Variants in DAB1 observed in about 807,000 individuals in gnomAD.
DAB1 encodes DAB adaptor protein 1.
A neutral mutation model predicts 64.6 loss-of-function variants in DAB1; 15 were observed. That is an observed-to-expected ratio of 0.23 (90% CI 0.16 to 0.36). The LOEUF (loss-of-function observed/expected upper bound fraction) is 0.36, where lower values mean the gene tolerates loss of function less well. Among genes scored for constraint, DAB1 ranks in the 10% least tolerant of loss-of-function variants. The pLI, the probability that DAB1 is intolerant of heterozygous loss-of-function variation, is 1.00. For missense variants in DAB1, 596 were observed against 706.7 expected (o/e 0.84, Z 1.78); for synonymous variants, 235 against 251.9 (o/e 0.93, Z 0.64).
rs1265395267 is a variant in DAB1, at chr1:58,275,506, C to G, written n.309+67846G>C. Reference sequence around the variant, plus strand: ...AAAAAAACAAATAAATTGGCAAAAACTTGAATAGTTATTTCTCCAAAGAAT... The same window carrying G: ...AAAAAAACAAATAAATTGGCAAAAAGTTGAATAGTTATTTCTCCAAAGAAT... On this transcript the variant is annotated intron_variant and non_coding_transcript_variant, in intron 4 of 20. Transcript: ENST00000485760. Among the ~76,000 whole-genome samples the G allele has an allele frequency of 2.0e-5, 3 of 152,078 alleles. No individual in the cohort carries two copies. In the South Asian group the frequency reaches 6.2e-4, roughly 32 times the overall value.
intron 7 of DAB1, among the ~76,000 whole-genome samples, chr1:57,605,005 T>C (rs1645619704): frequency 6.6e-6 from 1 of 152,330 alleles, no homozygotes; most frequent in East Asian, 1.9e-4. Context: ...TAATCCTTAA[T>C]AATAAGAATT....
At chr1:57,869,737 T>C (rs1643906968) in intron 1 of DAB1, among the ~76,000 whole-genome samples, 1 of 152,132 alleles carries the variant, frequency 6.6e-6, no homozygotes, top group Non-Finnish European at 1.5e-5. Context: ...GGAAAGCTAA[T>C]TAGAGCTAAT....
chr1:57,209,487 A>G (rs985365480), intron 2 of DAB1, among the ~76,000 whole-genome samples: 3 of 152,198 alleles, frequency 2.0e-5, no homozygotes, highest in Non-Finnish European at 4.4e-5. Flanking sequence ...GCTGCTGTCA[A>G]TAATGCCCTT....
At chr1:57,363,460 T>A (rs1003982388) in intron 1 of DAB1, among the ~76,000 whole-genome samples, 9 of 151,868 alleles carry the variant, frequency 5.9e-5, no homozygotes, top group African/African-American at 1.7e-4. Context: ...CAAATCCCAT[T>A]AAATGGGGAG....
At chr1:58,221,446 C>G (rs1659166240) in intron 4 of DAB1, among the ~76,000 whole-genome samples, 1 of 152,220 alleles carries the variant, frequency 6.6e-6, no homozygotes, top group Non-Finnish European at 1.5e-5. Flanking sequence ...TCTGAAAGAA[C>G]AGTCACTGGC....
chr1:57,838,445 T>A (rs1652907857), intron 1 of DAB1, among the ~76,000 whole-genome samples: 1 of 152,064 alleles, frequency 6.6e-6, no homozygotes, highest in Admixed American at 6.6e-5. Context: ...GAATATATAT[T>A]ATGTATAAGA....
At chr1:58,001,496 G>A (rs1057038657) in intron 5 of DAB1, among the ~76,000 whole-genome samples, 1 of 152,104 alleles carries the variant, frequency 6.6e-6, no homozygotes, top group Non-Finnish European at 1.5e-5. Flanking sequence ...CTGACCTTAG[G>A]TGATCTGCCT....
intron 1 of DAB1, among the ~76,000 whole-genome samples, chr1:58,536,013 C>A (rs989170482): frequency 7.9e-5 from 12 of 152,058 alleles, no homozygotes; most frequent in African/African-American, 2.7e-4. Context: ...GATCCCTGCC[C>A]CCATGAAGCT....
chr1:57,804,520 G>A (rs919894343), intron 6 of DAB1, among the ~76,000 whole-genome samples: 3 of 152,146 alleles, frequency 2.0e-5, no homozygotes, highest in African/African-American at 4.8e-5. Context: ...TTGCAGATAC[G>A]TGATTTCCCT....
intron 6 of DAB1, among the ~76,000 whole-genome samples, chr1:57,664,149 G>GT (rs2101674153): frequency 6.6e-6 from 1 of 152,222 alleles, no homozygotes; most frequent in African/African-American, 2.4e-5. Context: ...GTTGGCAAGG[G>GT]TTTGGTACAT....
At chr1:57,217,984 T>C (rs1666553635) in intron 2 of DAB1, among the ~76,000 whole-genome samples, 1 of 152,070 alleles carries the variant, frequency 6.6e-6, no homozygotes. Context: ...ACACAAACAG[T>C]AATCAGTGGC....
At chr1:58,436,578 G>A (rs1028073118) in intron 3 of DAB1, among the ~76,000 whole-genome samples, 2 of 152,142 alleles carry the variant, frequency 1.3e-5, no homozygotes, top group Non-Finnish European at 2.9e-5. Context: ...CTTGGCAAAT[G>A]AATCACACTA....
At chr1:58,141,484 A>G (rs1225469636) in intron 5 of DAB1, among the ~76,000 whole-genome samples, 1 of 152,094 alleles carries the variant, frequency 6.6e-6, no homozygotes, top group East Asian at 1.9e-4. Flanking sequence ...TTAAGATGAG[A>G]TTTGCGTAGG....
chr1:57,563,797 C>T (rs1414791167), intron 7 of DAB1, among the ~76,000 whole-genome samples: 4 of 152,156 alleles, frequency 2.6e-5, no homozygotes, highest in Non-Finnish European at 5.9e-5. Context: ...CCTGGAAGCT[C>T]GAACTAGGTG....
chr1:57,996,145 G>T (rs2100389865), intron 5 of DAB1, among the ~76,000 whole-genome samples: 1 of 152,180 alleles, frequency 6.6e-6, no homozygotes, highest in Middle Eastern at 3.4e-3. Flanking sequence ...TGTAATCTCA[G>T]CTCCTCAGGA....
intron 5 of DAB1, among the ~76,000 whole-genome samples, chr1:58,067,278 C>A (rs1460615390): frequency 1.3e-5 from 2 of 152,194 alleles, no homozygotes; most frequent in African/African-American, 4.8e-5. Flanking sequence ...CACGGCCTAG[C>A]CCAGTGCCTG....
intron 2 of DAB1, among the ~76,000 whole-genome samples, chr1:57,240,802 T>G (rs1243257684): frequency 1.3e-5 from 2 of 152,196 alleles, no homozygotes; most frequent in African/African-American, 4.8e-5. Flanking sequence ...TATTGCAGAT[T>G]CAACTGATGT....
At chr1:57,249,660 C>A (rs1322273913) in intron 2 of DAB1, among the ~76,000 whole-genome samples, 1 of 152,214 alleles carries the variant, frequency 6.6e-6, no homozygotes, top group Non-Finnish European at 1.5e-5. Flanking sequence ...GCATGAGCCA[C>A]CACACCCAGC....
chr1:58,268,231 T>C (rs185197910), intron 4 of DAB1, among the ~76,000 whole-genome samples: 55 of 152,248 alleles, frequency 3.6e-4, no homozygotes, highest in Admixed American at 1.3e-3. Flanking sequence ...TTAAAGCAGC[T>C]TATAAAATGT....
Sources: gnomAD v4.1 joint callset for allele counts (sites outside exome capture counted in the v4.1 genomes callset) on GRCh38, gnomAD v4.1.1 for gene constraint, MANE v1.5 for transcripts, NCBI Gene and HGNC (gene_info 2026-07-23, HGNC 2026-07-21) for gene names.